RPH3AL: variants seen among roughly 807,000 people sequenced by gnomAD.
RPH3AL encodes the protein rabphilin 3A like (without C2 domains).
A neutral mutation model predicts 43.1 loss-of-function variants in RPH3AL; 38 were observed. The ratio of observed to expected loss-of-function variants is 0.88; its 90% CI spans 0.68 to 1.15. The LOEUF is 1.15. RPH3AL is among the 50% of genes most tolerant of loss of function. The pLI is 0.00. For missense variants in RPH3AL, 462 were observed against 423.2 expected, an observed-to-expected ratio of 1.09 and a Z score of -0.81; for synonymous variants, 189 against 176.3, an observed-to-expected ratio of 1.07 and a Z score of -0.57.
Position 289,127 on chromosome 17 carries a change from G to A in RPH3AL, c.352-7273C>T, listed in dbSNP as rs1409103087. 1.3e-5 allele frequency among the ~76,000 whole-genome samples: 2 copies of A among 152,112 alleles called. No individual in the cohort carries two copies. Among genetic ancestry groups the A allele is most frequent in the East Asian group, 1.9e-4 (1 of 5,178 alleles). ...AGAGGTGAACTTGGACTCGGTACTCGCCTTCTGAGCCTCACTTCCTCATCT... is the reference window on the plus strand; with the variant it reads ...AGAGGTGAACTTGGACTCGGTACTCACCTTCTGAGCCTCACTTCCTCATCT... On this transcript the variant is annotated intron_variant, in intron 5 of 9. Transcript: ENST00000331302. This position sits in a 1 kb window ranked among gnomAD's most constrained non-coding sequence, Gnocchi z 5.2.
At chr17:224,266 C>T (rs1302995845) in intron 7 of RPH3AL, among the ~76,000 whole-genome samples, 1 of 152,224 alleles carries the variant, frequency 6.6e-6, no homozygotes, top group African/African-American at 2.4e-5. Context: ...CCCCATGCCC[C>T]CAGGACCACA....
intron 5 of RPH3AL, among the ~76,000 whole-genome samples, chr17:314,857 C>T (rs867830978): frequency 0.013 from 1,199 of 89,836 alleles, 1 homozygote; most frequent in African/African-American, 0.066. Context: ...ACCTGTAGTC[C>T]CTGTGCCCCA....
intron 7 of RPH3AL, among the ~76,000 whole-genome samples, chr17:235,418 T>G: frequency 7.4e-6 from 1 of 134,394 alleles, no homozygotes. Context: ...AAAGCTGGGG[T>G]CGGCCGAGGC....
chr17:284,320 A>G (rs1186687813), intron 5 of RPH3AL, among the ~76,000 whole-genome samples: 1 of 152,176 alleles, frequency 6.6e-6, no homozygotes, highest in African/African-American at 2.4e-5. Flanking sequence ...CGTTCACGGT[A>G]AAGCAGAATT....
intron 6 of RPH3AL, among the ~76,000 whole-genome samples, chr17:278,243 G>C (rs147254976): frequency 6.6e-6 from 1 of 152,236 alleles, no homozygotes; most frequent in African/African-American, 2.4e-5. Flanking sequence ...CTTTCACTTG[G>C]TCTCATTCTT....
chr17:292,238 G>A (rs1240466518), intron 5 of RPH3AL, among the ~76,000 whole-genome samples: 2 of 152,314 alleles, frequency 1.3e-5, no homozygotes, highest in Non-Finnish European at 1.5e-5. Context: ...AGTGCCATCC[G>A]CCAGGCTTGG....
In RPH3AL at chr17:213,647, A is replaced by G; in HGVS notation, c.*205T>C. ...GTCGGGGGCTGAGGGCAGTGGTTGG[A>G]GGGGGTGGCGGATGCAGACAGCTCC... On this transcript the variant is annotated 3_prime_UTR_variant, in exon 10 of 10. Coordinates refer to ENST00000331302, the MANE Select transcript of RPH3AL (RefSeq NM_006987.4). The G allele has an allele frequency of 1.7e-6, 1 of 603,224 alleles. No homozygotes were observed. Among genetic ancestry groups the G allele is most frequent in the South Asian group, 1.9e-5 (1 of 51,612 alleles). The allele number at this position is 603,224 out of a possible 1,614,324, so 37.4% of individuals were successfully genotyped here.
At chr17:229,273 C>G (rs989594143) in intron 7 of RPH3AL, among the ~76,000 whole-genome samples, 1 of 152,198 alleles carries the variant, frequency 6.6e-6, no homozygotes, top group African/African-American at 2.4e-5. Context: ...AGGCACCACT[C>G]GAGGGCAAGG....
chr17:311,811 G>A (rs1432450737), intron 5 of RPH3AL, among the ~76,000 whole-genome samples: 1 of 152,150 alleles, frequency 6.6e-6, no homozygotes, highest in Non-Finnish European at 1.5e-5. Flanking sequence ...AGCTGTGGGA[G>A]CTCCAATTTT....
chr17:245,181 G>C lies in RPH3AL; in HGVS notation c.613+1930C>G, dbSNP rs1272895434. ...CACATGGATGTGTCTGTGTGTACGT[G>C]GATGTCTGTGTGTGTGGATGTGAGC... On this transcript the variant is annotated intron_variant, in intron 7 of 9. Transcript: ENST00000331302. The surrounding 1 kb of genome is among the most constrained non-coding windows in gnomAD (Gnocchi z 5.9). Among the ~76,000 whole-genome samples the C allele has an allele frequency of 1.3e-5, 2 of 151,304 alleles. No individual in the cohort carries two copies. The highest frequency in any genetic ancestry group is 2.9e-5 in the Non-Finnish European group (2 of 67,850).
chr17:327,681 G>T (rs1424607450), intron 2 of RPH3AL, 102 bp from the exon 3 acceptor site: 7 of 679,826 alleles, frequency 1.0e-5, no homozygotes, highest in Non-Finnish European at 7.8e-6. Flanking sequence ...CCATCTCCAT[G>T]CACGATCCCC....
intron 3 of RPH3AL, among the ~76,000 whole-genome samples, chr17:325,635 C>A (rs537904796): frequency 6.6e-6 from 1 of 152,342 alleles, no homozygotes; most frequent in South Asian, 2.1e-4. Flanking sequence ...GTCCCCACCG[C>A]CTGTTATCAC....
At chr17:243,131 C>T (rs1429688967) in intron 7 of RPH3AL, among the ~76,000 whole-genome samples, 2 of 140,780 alleles carry the variant, frequency 1.4e-5, no homozygotes, top group African/African-American at 5.3e-5. Flanking sequence ...GATTGCCCCT[C>T]CTCTACTGAT....
intron 6 of RPH3AL, among the ~76,000 whole-genome samples, chr17:252,505 C>G (rs1229231964): frequency 2.0e-5 from 3 of 152,226 alleles, no homozygotes; most frequent in African/African-American, 7.2e-5. Context: ...TGTCCCCCAA[C>G]ACCTCACTAC....
Position 323,306 on chromosome 17 carries a change from A to C in RPH3AL, c.78-1891T>G, listed in dbSNP as rs1428151195. Among the ~76,000 whole-genome samples the C allele has an allele frequency of 6.6e-6, 1 of 151,838 alleles. No individual in the cohort carries two copies. Among genetic ancestry groups the C allele is most frequent in the Non-Finnish European group, 1.5e-5 (1 of 67,994 alleles). On this transcript the variant is annotated intron_variant, in intron 3 of 9. Transcript: ENST00000331302. This position sits in a 1 kb window ranked among gnomAD's most constrained non-coding sequence, Gnocchi z 4.4. ...TGCCCTAGACCAACGCTTTCCAAGC[A>C]GTGCTCACGGTGCTGGGGAAGGAAA...
At chr17:235,650 C>A (rs2041361943) in intron 7 of RPH3AL, among the ~76,000 whole-genome samples, 1 of 101,342 alleles carries the variant, frequency 9.9e-6, no homozygotes, top group Admixed American at 9.8e-5. Flanking sequence ...AAGATGGATC[C>A]AGGGTTCAAA....
intron 8 of RPH3AL, among the ~76,000 whole-genome samples, chr17:216,150 C>T (rs1280600210): frequency 7.6e-5 from 2 of 26,402 alleles, no homozygotes; most frequent in East Asian, 1.9e-3. Flanking sequence ...ACCCCACCCA[C>T]ATGGCTGCCG....
At chr17:250,537 A>G (rs968808004) in intron 6 of RPH3AL, among the ~76,000 whole-genome samples, 10 of 142,378 alleles carry the variant, frequency 7.0e-5, no homozygotes, top group Non-Finnish European at 1.2e-4. Flanking sequence ...AGCCTTTACT[A>G]AGCTCCATCG....
intron 8 of RPH3AL, among the ~76,000 whole-genome samples, chr17:216,873 G>A (rs1364896876): frequency 7.2e-5 from 11 of 152,116 alleles, no homozygotes. Context: ...AGGAGAGGGG[G>A]GTGGTGGTAC....
Sources: gnomAD v4.1 joint callset for allele counts (sites outside exome capture counted in the v4.1 genomes callset) on GRCh38, gnomAD v4.1.1 for gene constraint, Gnocchi (gnomAD v3.1) non-coding constraint, MANE v1.5 for transcripts, NCBI Gene and HGNC (gene_info 2026-07-23, HGNC 2026-07-21) for gene names.